DLGAP1: variants seen among roughly 807,000 people sequenced by gnomAD.
DLGAP1 encodes DLG associated protein 1.
DLGAP1 carries 11 observed loss-of-function variants against 90.8 expected under a neutral mutation model. The ratio of observed to expected loss-of-function variants is 0.12; its 90% CI spans 0.08 to 0.20. DLGAP1 has a LOEUF of 0.20. DLGAP1 is among the 10% of genes least tolerant of loss of function. The pLI, the probability that DLGAP1 is intolerant of heterozygous loss-of-function variation, is 1.00. For synonymous variants in DLGAP1, 558 were observed against 540.7 expected, an observed-to-expected ratio of 1.03 and a Z score of -0.44; for missense variants, 1,050 against 1,333.8, an observed-to-expected ratio of 0.79 and a Z score of 3.31.
chr18:3,863,232 G>C (rs1373798184), intron 4 of DLGAP1, among the ~76,000 whole-genome samples: 1 of 152,176 alleles, frequency 6.6e-6, no homozygotes, highest in African/African-American at 2.4e-5. Flanking sequence ...GGACAGCAGA[G>C]AACTAGACTA....
At chr18:3,561,105 T>G (rs2054065033) in intron 9 of DLGAP1, among the ~76,000 whole-genome samples, 1 of 150,486 alleles carries the variant, frequency 6.6e-6, no homozygotes, top group Admixed American at 6.6e-5. Context: ...CAAACTTATC[T>G]GTTAGATCAA....
intron 2 of DLGAP1, among the ~76,000 whole-genome samples, chr18:4,146,438 T>C (rs953726095): frequency 1.2e-4 from 18 of 152,180 alleles, no homozygotes; most frequent in Non-Finnish European, 1.5e-5. Flanking sequence ...ATTGACTCAC[T>C]CATAATTTTG....
At chr18:3,535,500 G>A (rs112606216) in intron 9 of DLGAP1, among the ~76,000 whole-genome samples, 2,167 of 151,950 alleles carry the variant, frequency 0.014, 42 homozygotes, top group African/African-American at 0.05. Context: ...AAGGTCAGGG[G>A]ATCGAGACCC....
intron 3 of DLGAP1, among the ~76,000 whole-genome samples, chr18:3,918,887 T>A (rs1401170394): frequency 6.6e-6 from 1 of 152,082 alleles, no homozygotes; most frequent in South Asian, 2.1e-4. Context: ...ATGAAAGATG[T>A]TGCAAGCACT....
At chr18:3,904,467 A>G (rs2071851999) in intron 3 of DLGAP1, among the ~76,000 whole-genome samples, 1 of 152,224 alleles carries the variant, frequency 6.6e-6, no homozygotes, top group Non-Finnish European at 1.5e-5. Flanking sequence ...GCCTGGGGTT[A>G]AGCCAAGACA....
intron 1 of DLGAP1, among the ~76,000 whole-genome samples, chr18:4,349,631 A>T (rs540853354): frequency 6.6e-6 from 1 of 152,296 alleles, no homozygotes; most frequent in South Asian, 2.1e-4. Flanking sequence ...TAAATTATAC[A>T]ACATGGATCA....
At chr18:4,428,994 A>G (rs2083219793) in intron 1 of DLGAP1, among the ~76,000 whole-genome samples, 1 of 152,202 alleles carries the variant, frequency 6.6e-6, no homozygotes, top group Admixed American at 6.5e-5. Context: ...GAAATGTCAT[A>G]TAATTAGCAC....
intron 4 of DLGAP1, among the ~76,000 whole-genome samples, chr18:3,814,560 A>T (rs1331024452): frequency 6.6e-6 from 1 of 151,840 alleles, no homozygotes; most frequent in Non-Finnish European, 1.5e-5. Flanking sequence ...ACGGGGTTTC[A>T]CCGTGTTAGC....
chr18:3,714,047 AC>A (rs974931548), intron 7 of DLGAP1, among the ~76,000 whole-genome samples: 5 of 152,192 alleles, frequency 3.3e-5, no homozygotes, highest in Admixed American at 3.3e-4. Context: ...TTCTGGAGGT[AC>A]GGTGTTAACA....
chr18:4,024,649 G>A (rs72869533), intron 2 of DLGAP1, among the ~76,000 whole-genome samples: 22,697 of 152,138 alleles, frequency 0.15, 2,218 homozygotes, highest in Non-Finnish European at 0.2. Flanking sequence ...AGAAAGGGGG[G>A]AGAAATATTG....
intron 1 of DLGAP1, among the ~76,000 whole-genome samples, chr18:4,174,398 G>A (rs546451475): frequency 5.5e-4 from 84 of 152,030 alleles, no homozygotes; most frequent in African/African-American, 2.0e-3. Flanking sequence ...GCAGTGGCAC[G>A]ATCTCGGCTC....
intron 1 of DLGAP1, among the ~76,000 whole-genome samples, chr18:4,221,559 G>C (rs969434306): frequency 3.3e-5 from 5 of 151,942 alleles, no homozygotes; most frequent in African/African-American, 1.2e-4. Flanking sequence ...TCCATCATAA[G>C]ACCAACGATG....
chr18:3,707,605 A>G (rs2061474589), intron 7 of DLGAP1, among the ~76,000 whole-genome samples: 1 of 141,120 alleles, frequency 7.1e-6, no homozygotes, highest in African/African-American at 2.8e-5. Flanking sequence ...CTCCATCTCA[A>G]AGAAAAAAAA....
At chr18:4,185,281 T>C (rs1038133834) in intron 1 of DLGAP1, among the ~76,000 whole-genome samples, 3 of 151,842 alleles carry the variant, frequency 2.0e-5, no homozygotes, top group Non-Finnish European at 4.4e-5. Context: ...TTTTAACTTT[T>C]ATTTCAGGTT....
At chr18:3,843,807 A>G (rs2068853736) in intron 4 of DLGAP1, among the ~76,000 whole-genome samples, 1 of 152,144 alleles carries the variant, frequency 6.6e-6, no homozygotes, top group Non-Finnish European at 1.5e-5. Flanking sequence ...ACTGTGATAG[A>G]CTGAAATTCC....
At chr18:4,439,974 G>T (rs2083492113) in intron 1 of DLGAP1, among the ~76,000 whole-genome samples, 1 of 151,474 alleles carries the variant, frequency 6.6e-6, no homozygotes, top group Non-Finnish European at 1.5e-5. Flanking sequence ...CAAAAAATTA[G>T]CCAGGCGTGG....
chr18:3,744,926 A>G (rs1166556466), intron 5 of DLGAP1, among the ~76,000 whole-genome samples: 2 of 152,214 alleles, frequency 1.3e-5, no homozygotes, highest in Non-Finnish European at 2.9e-5. Context: ...TTCATAACAG[A>G]CAAAAGGTGG....
chr18:3,841,350 G>C (rs113183413), intron 4 of DLGAP1, among the ~76,000 whole-genome samples: 8,206 of 152,200 alleles, frequency 0.054, 314 homozygotes, highest in Middle Eastern at 0.12. Context: ...GAAAGCTTGA[G>C]AATAAAGAAT....
chr18:4,332,685 T>C (rs1442210340), intron 1 of DLGAP1, among the ~76,000 whole-genome samples: 1 of 151,924 alleles, frequency 6.6e-6, no homozygotes, highest in Non-Finnish European at 1.5e-5. Flanking sequence ...ATACCTCAAA[T>C]GGCCTGGGTT....
Sources: gnomAD v4.1 joint callset for allele counts (sites outside exome capture counted in the v4.1 genomes callset) on GRCh38, gnomAD v4.1.1 for gene constraint, MANE v1.5 for transcripts, NCBI Gene and HGNC (gene_info 2026-07-23, HGNC 2026-07-21) for gene names.